Variants in CAMK2D observed in about 807,000 individuals in gnomAD.
The protein encoded by CAMK2D is calcium/calmodulin-dependent protein kinase type II subunit delta.
Under a neutral mutation model 84.0 loss-of-function variants are expected in CAMK2D, and 37 were observed. The ratio of observed to expected loss-of-function variants is 0.44; its 90% CI spans 0.34 to 0.58. The LOEUF (loss-of-function observed/expected upper bound fraction) is 0.58. Among genes scored for constraint, CAMK2D ranks in the 20% least tolerant of loss-of-function variants. The pLI is 0.02. For synonymous variants in CAMK2D, 202 were observed against 212.5 expected, an observed-to-expected ratio of 0.95 and a Z score of 0.43; for missense variants, 448 against 652.5, an observed-to-expected ratio of 0.69 and a Z score of 3.41.
At chr4:113,481,616 A>T (rs551305074) in intron 16 of CAMK2D, among the ~76,000 whole-genome samples, 2 of 152,246 alleles carry the variant, frequency 1.3e-5, no homozygotes, top group South Asian at 4.1e-4. Context: ...AGTAGCTGAG[A>T]TTACAGGCAT....
intron 19 of CAMK2D, 25 bp from the exon 20 acceptor site, chr4:113,455,846 C>T (rs1165730095): frequency 3.6e-6 from 5 of 1,388,492 alleles, no homozygotes; most frequent in Non-Finnish European, 5.1e-6. Context: ...CCCATTTAAG[C>T]CACCTGGCAT....
intron 13 of CAMK2D, among the ~76,000 whole-genome samples, chr4:113,508,442 A>T (rs2098161777): frequency 6.6e-6 from 1 of 152,248 alleles, no homozygotes; most frequent in African/African-American, 2.4e-5. Flanking sequence ...GAAAATAAAT[A>T]TCTCAATAGG....
At chr4:113,536,395 A>G (rs2098490742) in intron 7 of CAMK2D, among the ~76,000 whole-genome samples, 1 of 152,202 alleles carries the variant, frequency 6.6e-6, no homozygotes. Flanking sequence ...TGGGAGCCAT[A>G]TGTACATCTT....
At chr4:113,488,123 T>A (rs2097783853) in intron 16 of CAMK2D, among the ~76,000 whole-genome samples, 1 of 152,110 alleles carries the variant, frequency 6.6e-6, no homozygotes, top group South Asian at 2.1e-4. Context: ...GAATAATATT[T>A]TAAAATTTAC....
At chr4:113,617,406 T>C (rs544361961) in intron 3 of CAMK2D, among the ~76,000 whole-genome samples, 1 of 151,208 alleles carries the variant, frequency 6.6e-6, no homozygotes, top group African/African-American at 2.4e-5. Context: ...GAGGTTGTGG[T>C]GAGCTGAGAA....
chr4:113,490,706 G>A (rs568829063), intron 16 of CAMK2D, among the ~76,000 whole-genome samples: 1 of 150,350 alleles, frequency 6.7e-6, no homozygotes, highest in South Asian at 2.1e-4. Context: ...CATGAGGATG[G>A]CATTGAATCT....
intron 4 of CAMK2D, among the ~76,000 whole-genome samples, chr4:113,570,816 A>AGG (rs2098749605): frequency 6.6e-6 from 1 of 152,190 alleles, no homozygotes; most frequent in South Asian, 2.1e-4. Context: ...GAAACTTAAA[A>AGG]GCTTCTGCTC....
chr4:113,609,260 G>A (rs2098989978), intron 3 of CAMK2D, 54 bp from the exon 4 acceptor site: 8 of 905,358 alleles, frequency 8.8e-6, no homozygotes, highest in Admixed American at 1.7e-5. Context: ...AACGATCAAC[G>A]TTAAACCCCA....
At chr4:113,680,701 T>C (rs1302665328) in intron 2 of CAMK2D, among the ~76,000 whole-genome samples, 2 of 152,220 alleles carry the variant, frequency 1.3e-5, no homozygotes, top group East Asian at 3.8e-4. Context: ...GGAGGAAATC[T>C]GCCTAGTCAC....
intron 3 of CAMK2D, among the ~76,000 whole-genome samples, chr4:113,651,598 A>T (rs2099172715): frequency 6.6e-6 from 1 of 152,194 alleles, no homozygotes; most frequent in African/African-American, 2.4e-5. Flanking sequence ...TTGAGGGCTT[A>T]TCTGATGTAA....
chr4:113,513,502 T>G, intron 11 of CAMK2D, 132 bp from the exon 12 acceptor site: 1 of 722,608 alleles, frequency 1.4e-6, no homozygotes, highest in Non-Finnish European at 2.4e-6. Flanking sequence ...TGTTTGTTTT[T>G]GTTTTTTGGT....
At chr4:113,524,349 G>A (rs945324874) in intron 8 of CAMK2D, among the ~76,000 whole-genome samples, 28 of 152,002 alleles carry the variant, frequency 1.8e-4, no homozygotes, top group Non-Finnish European at 1.2e-4. Context: ...TTCTATGAAA[G>A]TGACTGTTTT....
chr4:113,503,111 T>C (rs1287098871), intron 14 of CAMK2D, 134 bp from the exon 15 acceptor site: 1 of 756,418 alleles, frequency 1.3e-6, no homozygotes, highest in African/African-American at 1.7e-5. Flanking sequence ...TTAACTGCTG[T>C]CAGAGTTGCA....
intron 3 of CAMK2D, among the ~76,000 whole-genome samples, chr4:113,630,134 T>C (rs1468585863): frequency 1.3e-5 from 2 of 152,162 alleles, no homozygotes; most frequent in African/African-American, 4.8e-5. Flanking sequence ...AATGAATGCG[T>C]AGTTATTTTC....
At position 113,660,959 on chromosome 4, in the gene CAMK2D, A is replaced by C. The variant is rs964267984; in HGVS notation, c.220+754T>G. On this transcript the variant is annotated intron_variant, in intron 3 of 20. Transcript: ENST00000511664. ...TACAGGCGCCCGCCACCACGCCCGG[A>C]TAATTTTTTTGTATTTTTAGTAGAG... Among the ~76,000 whole-genome samples, 140 of 149,770 alleles carry C rather than the reference A, an allele frequency of 9.3e-4. 1 individual carries two copies. The highest frequency in any genetic ancestry group is 9.0e-3 in the Admixed American group (137 of 15,180).
rs114841531 is a variant in CAMK2D at position 113,640,541 on chromosome 4, T to C, written c.220+21172A>G. ...AGTTAGATGATTAGGTAAATAGTCC[T>C]AACAAAACCTAATCAGTATTGTAAT... On this transcript the variant is annotated intron_variant, in intron 3 of 20. Transcript: ENST00000511664. 6.3e-3 allele frequency among the ~76,000 whole-genome samples: 966 copies of C among 152,320 alleles called. 13 individuals are homozygous for C. Among genetic ancestry groups the C allele is most frequent in the African/African-American group, 0.022 (908 of 41,560 alleles).
chr4:113,461,777 T>G (rs1463906633), intron 17 of CAMK2D, among the ~76,000 whole-genome samples: 1 of 152,170 alleles, frequency 6.6e-6, no homozygotes, highest in Non-Finnish European at 1.5e-5. Flanking sequence ...CATAGAGAAA[T>G]TCCCCATTTG....
At chr4:113,755,068 A>C in intron 2 of CAMK2D, 5 of 984,852 alleles carry the variant, frequency 5.1e-6, no homozygotes, top group Non-Finnish European at 6.0e-6. Flanking sequence ...GAAGTTGAGA[A>C]ATTACAGTAC....
chr4:113,509,482 T>A (rs1590394708), intron 13 of CAMK2D, among the ~76,000 whole-genome samples, 156 bp downstream of exon 13: 1 of 152,214 alleles, frequency 6.6e-6, no homozygotes, highest in Admixed American at 6.5e-5. Context: ...ATGTTAGTCA[T>A]CTTTGTATAT....
Sources: allele counts gnomAD v4.1 joint callset (sites outside exome capture counted in the v4.1 genomes callset), GRCh38; gene constraint gnomAD v4.1.1; transcripts MANE v1.5; gene names NCBI Gene and HGNC (gene_info 2026-07-23, HGNC 2026-07-21).